Variants in MYO1E observed in about 807,000 individuals in gnomAD.
MYO1E encodes myosin IE, also known as unconventional myosin-Ie.
Under a neutral mutation model 151.1 loss-of-function variants are expected in MYO1E, and 68 were observed. The ratio of observed to expected loss-of-function variants is 0.45; its 90% confidence interval spans 0.37 to 0.55. MYO1E has a LOEUF of 0.55. Ranked by LOEUF, MYO1E falls within the 20% of genes least tolerant of loss-of-function variation. The probability of loss-of-function intolerance (pLI) is 0.00; values close to 1 mark genes in which losing one functional copy is unlikely to be tolerated. For missense variants in MYO1E, 1,363 were observed against 1,389.3 expected (o/e 0.98, Z 0.30); for synonymous variants, 601 against 501.7 (o/e 1.20, Z -2.64).
chr15:59,304,502 C>T (rs115355041), intron 1 of MYO1E, among the ~76,000 whole-genome samples: 236 of 152,310 alleles, frequency 1.5e-3, no homozygotes, highest in African/African-American at 5.3e-3. Context: ...TTTATAGGTG[C>T]TACTAGAAAA....
chr15:59,153,611 A>G lies in MYO1E; in HGVS notation c.3059T>C (p.Val1020Ala). Residue 1020 changes from valine to alanine, a missense_variant, in exon 26 of 28, where the codon GTC becomes GCC. Physicochemically the swap from Val to Ala is moderately conservative, Grantham distance 64 (BLOSUM62 0). Coordinates refer to ENST00000288235, the MANE Select transcript of MYO1E (RefSeq NM_004998.4). ...TTACCCTGCAGCTCCCTGGTCCGGG[A>G]CCTTGAGGAAATCCAGGCTCTCTGG... ...QTPESLDFLK[V>A]PDQGAAGVRR... is the part of the protein sequence containing the mutation. The G allele has an allele frequency of 6.2e-7, 1 of 1,614,140 alleles. No homozygotes were observed. Among genetic ancestry groups the G allele is most frequent in the Non-Finnish European group, 8.5e-7 (1 of 1,180,016 alleles).
intron 4 of MYO1E, among the ~76,000 whole-genome samples, chr15:59,248,210 G>A (rs1409745003): frequency 1.3e-5 from 2 of 150,888 alleles, no homozygotes; most frequent in African/African-American, 2.4e-5. Context: ...TAGGCCGGGT[G>A]CGGTGGCTCA....
chr15:59,323,650 C>T (rs1328751669), intron 1 of MYO1E, among the ~76,000 whole-genome samples: 1 of 150,784 alleles, frequency 6.6e-6, no homozygotes, highest in African/African-American at 2.4e-5. Flanking sequence ...AATGAGACTC[C>T]GCCTCAAAAA....
At chr15:59,223,628 T>C (rs577610646) in intron 8 of MYO1E, among the ~76,000 whole-genome samples, 36 of 152,300 alleles carry the variant, frequency 2.4e-4, no homozygotes, top group African/African-American at 8.7e-4. Context: ...TGCTGACCTT[T>C]CCACCTACTC....
chr15:59,164,923 G>C (rs1348628974), intron 22 of MYO1E, among the ~76,000 whole-genome samples: 1 of 152,160 alleles, frequency 6.6e-6, no homozygotes, highest in African/African-American at 2.4e-5. Context: ...TTACAAGGAA[G>C]AGGTCCTCAT....
chr15:59,263,501 T>A (rs1338536057), intron 2 of MYO1E, among the ~76,000 whole-genome samples: 1 of 152,216 alleles, frequency 6.6e-6, no homozygotes, highest in Non-Finnish European at 1.5e-5. Context: ...AGACACAGTG[T>A]TATTACTACT....
intron 5 of MYO1E, among the ~76,000 whole-genome samples, chr15:59,234,638 G>A (rs2080051015): frequency 6.6e-6 from 1 of 151,968 alleles, no homozygotes; most frequent in African/African-American, 2.4e-5. Flanking sequence ...TGGGCAATGT[G>A]GTGAAACCCT....
In MYO1E at chr15:59,138,364, G is replaced by C. The variant is rs759129629; in HGVS notation, c.3084C>G (p.Val1028=). The stretch of plus-strand genomic sequence containing the variant: ...GAGGCCGACTGGTTGTTTGTCTCCT[G>C]ACCCTGTGGAGAGAGTGGAGCAGAT... ...LKVPDQGAAG[V]RRQTTSRPPP... The change falls in exon 27 of 28, where the codon GTC becomes GTG. Residue 1028 remains valine, a synonymous_variant. Coordinates refer to ENST00000288235, the MANE Select transcript of MYO1E (RefSeq NM_004998.4). The C allele has an allele frequency of 6.2e-7, 1 of 1,613,858 alleles. No individual in the cohort carries two copies. The highest frequency in any genetic ancestry group is 1.3e-5 in the African/African-American group (1 of 74,934).
intron 5 of MYO1E, among the ~76,000 whole-genome samples, chr15:59,235,923 T>C (rs747190060): frequency 1.3e-5 from 2 of 152,236 alleles, no homozygotes; most frequent in Non-Finnish European, 2.9e-5. Flanking sequence ...CTTATCATGA[T>C]GGTGAACATA....
At chr15:59,323,168 CAA>C (rs10569332) in intron 1 of MYO1E, among the ~76,000 whole-genome samples, 1,122 of 63,670 alleles carry the variant, frequency 0.018, 3 homozygotes, top group Middle Eastern at 0.066. Context: ...GACCCCATCA[CAA>C]AAAAAAAAAA....
chr15:59,234,068 C>T (rs985054500), intron 5 of MYO1E, among the ~76,000 whole-genome samples: 5 of 152,242 alleles, frequency 3.3e-5, no homozygotes, highest in Admixed American at 1.3e-4. Context: ...CTTTCTACTG[C>T]ACAGAGCTGC....
At chr15:59,226,460 T>G (rs566350780) in intron 7 of MYO1E, among the ~76,000 whole-genome samples, 177 of 152,278 alleles carry the variant, frequency 1.2e-3, no homozygotes, top group African/African-American at 4.1e-3. Context: ...CATAAAAAAT[T>G]TGGTTATTAA....
chr15:59,211,199 CAA>C (rs34629822), intron 12 of MYO1E, among the ~76,000 whole-genome samples: 3,257 of 116,154 alleles, frequency 0.028, 113 homozygotes, highest in African/African-American at 0.092. Context: ...AACTCCAACT[CAA>C]AAAAAAAAAA....
At chr15:59,145,004 C>T (rs1419971551) in intron 26 of MYO1E, among the ~76,000 whole-genome samples, 6 of 152,020 alleles carry the variant, frequency 3.9e-5, no homozygotes, top group Non-Finnish European at 8.8e-5. Flanking sequence ...CCACCATGCC[C>T]GGCTAATCTT....
chr15:59,257,541 A>G (rs1380949540), intron 3 of MYO1E, among the ~76,000 whole-genome samples: 1 of 152,208 alleles, frequency 6.6e-6, no homozygotes, highest in Non-Finnish European at 1.5e-5. Context: ...CCATCTTTGG[A>G]TTAATTTACT....
chr15:59,234,449 C>G (rs571424575), intron 5 of MYO1E, among the ~76,000 whole-genome samples: 1 of 152,156 alleles, frequency 6.6e-6, no homozygotes, highest in Admixed American at 6.6e-5. Context: ...AAGAGTTGAT[C>G]CACAAACTCA....
Position 59,315,949 on chromosome 15 carries a change from G to A in MYO1E, c.4-43500C>T, listed in dbSNP as rs150671966. 5.4e-3 allele frequency among the ~76,000 whole-genome samples: 828 copies of A among 152,222 alleles called. 8 individuals are homozygous for A. The highest frequency in any genetic ancestry group is 0.031 in the Middle Eastern group (9 of 294). Reference sequence around the variant, plus strand: ...GCGATCCATCAGCTTACTCAGACACGTTTTTGTAACATTTTGTAGACACTG... The same window carrying A: ...GCGATCCATCAGCTTACTCAGACACATTTTTGTAACATTTTGTAGACACTG... On this transcript the variant is annotated intron_variant, in intron 1 of 27. Coordinates refer to ENST00000288235, the MANE Select transcript of MYO1E (RefSeq NM_004998.4).
intron 1 of MYO1E, among the ~76,000 whole-genome samples, chr15:59,326,499 G>C (rs1290627561): frequency 6.6e-6 from 1 of 152,196 alleles, no homozygotes; most frequent in Non-Finnish European, 1.5e-5. Flanking sequence ...CTCCAGCCTG[G>C]CGACAGAGCA....
chr15:59,185,697 G>A (rs1222092089), intron 18 of MYO1E, among the ~76,000 whole-genome samples: 12 of 152,220 alleles, frequency 7.9e-5, no homozygotes, highest in African/African-American at 2.4e-4. Context: ...GCAACCAAGG[G>A]AGACCTTATC....
Sources: allele counts gnomAD v4.1 joint callset (sites outside exome capture counted in the v4.1 genomes callset), GRCh38; gene constraint gnomAD v4.1.1; transcripts MANE v1.5; gene names NCBI Gene and HGNC (gene_info 2026-07-23, HGNC 2026-07-21).